Variants in PTPRT observed in about 807,000 individuals in gnomAD.
PTPRT encodes protein tyrosine phosphatase receptor type T.
Under a neutral mutation model 176.8 loss-of-function variants are expected in PTPRT, and 56 were observed. The observed-to-expected ratio is 0.32, with a 90% CI of 0.26 to 0.40. PTPRT has a LOEUF of 0.40. Among genes scored for constraint, PTPRT ranks in the 10% least tolerant of loss-of-function variants. The pLI is 1.00. For synonymous variants in PTPRT, 783 were observed against 739.0 expected (o/e 1.06, Z -0.96); for missense variants, 1,540 against 1,908.2 (o/e 0.81, Z 3.60).
chr20:42,185,352 G>T (rs1202865413), intron 16 of PTPRT, among the ~76,000 whole-genome samples: 1 of 152,160 alleles, frequency 6.6e-6, no homozygotes, highest in East Asian at 1.9e-4. Flanking sequence ...GCCTATATTT[G>T]TATGTGGTCT....
At chr20:42,871,763 A>G (rs61687918) in intron 2 of PTPRT, among the ~76,000 whole-genome samples, 6,387 of 152,200 alleles carry the variant, frequency 0.042, 340 homozygotes, top group African/African-American at 0.12. Context: ...ACCCTTAGTG[A>G]AGATTATTTG....
intron 11 of PTPRT, among the ~76,000 whole-genome samples, chr20:42,319,182 G>A (rs993445937): frequency 1.3e-5 from 2 of 151,860 alleles, no homozygotes; most frequent in Admixed American, 6.6e-5. Flanking sequence ...GGCTGAGGCC[G>A]AGAGGTCAAG....
chr20:42,166,760 A>C (rs1215781172), intron 16 of PTPRT, among the ~76,000 whole-genome samples: 1 of 152,104 alleles, frequency 6.6e-6, no homozygotes, highest in African/African-American at 2.4e-5. Context: ...CTCTACTAAA[A>C]GTACAAAAAA....
intron 16 of PTPRT, among the ~76,000 whole-genome samples, chr20:42,185,593 A>T (rs1341156490): frequency 6.6e-6 from 1 of 152,226 alleles, no homozygotes; most frequent in African/African-American, 2.4e-5. Flanking sequence ...GCAAAGCATC[A>T]TCCCTTGATT....
chr20:42,660,758 T>C (rs2075208632), intron 7 of PTPRT, among the ~76,000 whole-genome samples: 1 of 152,188 alleles, frequency 6.6e-6, no homozygotes, highest in South Asian at 2.1e-4. Context: ...TATAGTCTAA[T>C]GGAAAGGGCA....
chr20:43,184,595 G>A (rs546763313), intron 1 of PTPRT, among the ~76,000 whole-genome samples: 49 of 152,052 alleles, frequency 3.2e-4, no homozygotes, highest in South Asian at 8.3e-4. Context: ...GCTGAGGGAG[G>A]AGAATTGCTT....
intron 1 of PTPRT, among the ~76,000 whole-genome samples, chr20:43,037,389 T>G (rs1986424853): frequency 6.6e-6 from 1 of 152,210 alleles, no homozygotes. Context: ...TCAAAAACTG[T>G]GCAATGACAG....
intron 6 of PTPRT, among the ~76,000 whole-genome samples, chr20:42,725,067 G>A (rs186036730): frequency 1.6e-4 from 24 of 150,166 alleles, no homozygotes; most frequent in African/African-American, 4.7e-4. Flanking sequence ...TGCTCTTTTC[G>A]CCCAGGCTGG....
chr20:42,818,820 C>A (rs146768711), intron 2 of PTPRT, among the ~76,000 whole-genome samples: 161 of 152,080 alleles, frequency 1.1e-3, no homozygotes, highest in African/African-American at 3.7e-3. Flanking sequence ...GATCACCTTA[C>A]TAAAATAAGA....
At chr20:42,066,037 CTTTTTT>C in the PTPRT span, among the ~76,000 whole-genome samples, 1 of 124,214 alleles carries the variant, frequency 8.1e-6, no homozygotes, top group African/African-American at 3.0e-5. Flanking sequence ...TAGTATATTA[CTTTTTT>C]TTTTTTTTTT....
the PTPRT span, among the ~76,000 whole-genome samples, chr20:42,038,149 G>A: frequency 6.6e-6 from 1 of 152,144 alleles, no homozygotes; most frequent in Non-Finnish European, 1.5e-5. Context: ...TGCCTTTTGT[G>A]TGCCAGGCAC....
At chr20:42,460,398 G>A (rs1353993912) in intron 8 of PTPRT, among the ~76,000 whole-genome samples, 1 of 152,136 alleles carries the variant, frequency 6.6e-6, no homozygotes, top group Non-Finnish European at 1.5e-5. Flanking sequence ...TGCTACAATG[G>A]TGGCATCGAG....
chr20:42,295,247 G>A (rs1450382023), intron 12 of PTPRT, among the ~76,000 whole-genome samples: 1 of 152,104 alleles, frequency 6.6e-6, no homozygotes, highest in Non-Finnish European at 1.5e-5. Flanking sequence ...ACATGCAAGA[G>A]AATTAGACTA....
chr20:43,100,605 A>G (rs1257189506), intron 1 of PTPRT, among the ~76,000 whole-genome samples: 5 of 152,188 alleles, frequency 3.3e-5, no homozygotes, highest in Non-Finnish European at 7.3e-5. Flanking sequence ...TTCATTCCAT[A>G]ACTATCACAA....
At chr20:42,613,096 T>A (rs2074001809) in intron 7 of PTPRT, among the ~76,000 whole-genome samples, 1 of 152,194 alleles carries the variant, frequency 6.6e-6, no homozygotes, top group South Asian at 2.1e-4. Context: ...AAGCAAAAAC[T>A]TTTTTTGAAA....
intron 2 of PTPRT, among the ~76,000 whole-genome samples, chr20:42,823,230 C>T (rs2077930970): frequency 6.6e-6 from 1 of 152,142 alleles, no homozygotes; most frequent in African/African-American, 2.4e-5. Flanking sequence ...AGATCATGTG[C>T]TTTGCAGGGA....
chr20:42,211,187 A>T lies in PTPRT; in HGVS notation c.2343-11799T>A, dbSNP rs559082389. Among the ~76,000 whole-genome samples the T allele has an allele frequency of 4.4e-3, 676 of 152,328 alleles. 4 individuals carry two copies. The highest frequency in any genetic ancestry group is 5.2e-3 in the Non-Finnish European group (352 of 68,024). On this transcript the variant is annotated intron_variant, in intron 15 of 30. Coordinates refer to ENST00000373187, the MANE Select transcript of PTPRT (RefSeq NM_007050.6). Reference sequence around the variant, plus strand: ...CTTAAACGTTAGACCTAAAACCATAAAAACCCTAGAAGGAAACCTAGGCAT... The same window carrying T: ...CTTAAACGTTAGACCTAAAACCATATAAACCCTAGAAGGAAACCTAGGCAT...
At chr20:42,261,828 T>C (rs909482665) in intron 13 of PTPRT, among the ~76,000 whole-genome samples, 2 of 152,094 alleles carry the variant, frequency 1.3e-5, no homozygotes, top group African/African-American at 2.4e-5. Flanking sequence ...TTACCTGACT[T>C]AGAGGGGCAA....
chr20:42,278,246 T>C (rs1339965669), intron 13 of PTPRT, among the ~76,000 whole-genome samples: 2 of 149,720 alleles, frequency 1.3e-5, no homozygotes, highest in African/African-American at 4.9e-5. Flanking sequence ...GACATAAGGT[T>C]TAAGAGGCCA....
Sources: allele counts gnomAD v4.1 joint callset (sites outside exome capture counted in the v4.1 genomes callset), GRCh38; gene constraint gnomAD v4.1.1; transcripts MANE v1.5; gene names NCBI Gene and HGNC (gene_info 2026-07-23, HGNC 2026-07-21).